Variants in ADCY10 observed in about 807,000 individuals in gnomAD.
ADCY10 encodes adenylate cyclase 10.
Under a neutral mutation model 183.3 loss-of-function variants are expected in ADCY10, and 156 were observed. The observed-to-expected ratio is 0.85, with a 90% confidence interval of 0.75 to 0.97. The LOEUF (loss-of-function observed/expected upper bound fraction) is 0.97, where lower values mean the gene tolerates loss of function less well. ADCY10 is among the 50% of genes least tolerant of loss of function. The probability of loss-of-function intolerance (pLI) is 0.00; values close to 1 mark genes in which losing one functional copy is unlikely to be tolerated. For missense variants in ADCY10, 1,745 were observed against 1,934.3 expected (o/e 0.90, Z 1.84); for synonymous variants, 645 against 670.0 (o/e 0.96, Z 0.58).
chr1:167,838,947 C>T (rs889482385), intron 21 of ADCY10, among the ~76,000 whole-genome samples: 1 of 152,174 alleles, frequency 6.6e-6, no homozygotes, highest in Admixed American at 6.5e-5. Flanking sequence ...TACCCCCTTC[C>T]CTATTCAGTC....
intron 25 of ADCY10, among the ~76,000 whole-genome samples, chr1:167,830,184 T>C (rs757731854): frequency 6.6e-6 from 1 of 152,156 alleles, no homozygotes; most frequent in Non-Finnish European, 1.5e-5. Flanking sequence ...TAGCTGCTCC[T>C]ATTCTCTTGC....
chr1:167,833,977 T>C lies in ADCY10; in HGVS notation c.3410A>G (p.Lys1137Arg), dbSNP rs746876584. The stretch of plus-strand genomic sequence containing the variant: ...TCTTTAATGGTTTCTTACCTCACCT[T>C]TGAGGCTGTAAAAGGTGGCAGACTC... ...TFESATFYSL[K>R]GEVCFNMGQI... The change falls in exon 24 of 33, where the codon AAA becomes AGA. Residue 1137 changes from lysine to arginine, a missense_variant. Physicochemically the swap from Lys to Arg is conservative, Grantham distance 26 (BLOSUM62 2). Coordinates refer to ENST00000367851, the MANE Select transcript of ADCY10 (RefSeq NM_018417.6). 14 of 1,613,760 alleles carry C rather than the reference T, an allele frequency of 8.7e-6. No individual in the cohort carries two copies. The highest frequency in any genetic ancestry group is 1.2e-5 in the Non-Finnish European group (14 of 1,179,672).
intron 13 of ADCY10, 109 bp from the exon 14 acceptor site, chr1:167,870,519 G>A (rs1018301622): frequency 1.6e-5 from 16 of 994,400 alleles, no homozygotes; most frequent in Admixed American, 1.0e-4. Context: ...TGGGCCAGGC[G>A]CTGTGGCTCA....
In ADCY10 at chr1:167,886,231, C is replaced by A. The variant is rs375333299; in HGVS notation, c.829-2603G>T. On this transcript the variant is annotated intron_variant, in intron 8 of 32. Coordinates refer to ENST00000367851, the MANE Select transcript of ADCY10 (RefSeq NM_018417.6). Reference sequence around the variant, plus strand: ...TCATATGGAACCAAAAAAGAGCCTGCATTGTCAAGATAATCCTAAGCAAAA... The same window carrying A: ...TCATATGGAACCAAAAAAGAGCCTGAATTGTCAAGATAATCCTAAGCAAAA... 9.2e-5 allele frequency among the ~76,000 whole-genome samples: 14 copies of A among 152,278 alleles called. No individual in the cohort carries two copies. In the East Asian group the frequency reaches 2.1e-3, roughly 23 times the overall value.
chr1:167,901,297 T>C (rs1303246003), intron 5 of ADCY10, among the ~76,000 whole-genome samples: 1 of 152,156 alleles, frequency 6.6e-6, no homozygotes, highest in Non-Finnish European at 1.5e-5. Context: ...AACTATGTAA[T>C]GGCAAGCTAG....
At chr1:167,906,147 A>G (rs1436553552) in intron 1 of ADCY10, among the ~76,000 whole-genome samples, 1 of 152,184 alleles carries the variant, frequency 6.6e-6, no homozygotes, top group East Asian at 1.9e-4. Context: ...TATATCCCTT[A>G]GATTTAAGGG....
chr1:167,814,517 C>T lies in ADCY10; in HGVS notation c.4482+3555G>A, dbSNP rs112044230. On this transcript the variant is annotated intron_variant, in intron 31 of 32. Transcript: ENST00000367851. ...AATAAGATCGTCAATATATATGAAG[C>T]AAAAACTGACAAAATTAAAGGTAGA... 3.3e-3 allele frequency among the ~76,000 whole-genome samples: 495 copies of T among 149,492 alleles called. 2 individuals are homozygous for T. The highest frequency in any genetic ancestry group is 0.011 in the African/African-American group (460 of 41,326).
intron 23 of ADCY10, among the ~76,000 whole-genome samples, chr1:167,835,241 A>G (rs964710907): frequency 6.6e-6 from 1 of 152,182 alleles, no homozygotes; most frequent in Non-Finnish European, 1.5e-5. Context: ...CTAAGGGCAA[A>G]TAAGTTTGAG....
intron 25 of ADCY10, among the ~76,000 whole-genome samples, chr1:167,832,667 C>T (rs1436460040): frequency 6.6e-6 from 1 of 152,144 alleles, no homozygotes; most frequent in African/African-American, 2.4e-5. Context: ...GTGCAGGTTC[C>T]ATCCAATGAG....
At chr1:167,884,594 A>T (rs1404262620) in intron 8 of ADCY10, among the ~76,000 whole-genome samples, 1 of 150,566 alleles carries the variant, frequency 6.6e-6, no homozygotes, top group Non-Finnish European at 1.5e-5. Flanking sequence ...CTTTTTTTGT[A>T]CTCATTGACC....
chr1:167,863,126 A>G (rs1666402462), intron 14 of ADCY10, among the ~76,000 whole-genome samples: 1 of 152,174 alleles, frequency 6.6e-6, no homozygotes, highest in Non-Finnish European at 1.5e-5. Context: ...ATTGTTTTAT[A>G]CTCAGAAAAG....
intron 16 of ADCY10, among the ~76,000 whole-genome samples, chr1:167,858,658 A>G (rs1055881029): frequency 6.6e-6 from 1 of 152,344 alleles, no homozygotes; most frequent in Non-Finnish European, 1.5e-5. Flanking sequence ...AAGAAGAATT[A>G]GTCATGTCTA....
rs1665740342 is a variant in ADCY10 at position 167,854,471 on chromosome 1, G to T, written c.2190C>A (p.Ser730Arg). 3 of 1,614,164 alleles carry T rather than the reference G, an allele frequency of 1.9e-6. No homozygotes were observed. The highest frequency in any genetic ancestry group is 2.5e-6 in the Non-Finnish European group (3 of 1,180,018). ...KELDSYLGEG[S>R]CGIPFYCEEL... ...CTTCACAGTAAAATGGAATCCCACAGCTTCCCTCCCCCAGGTACCTGTAGT... is the reference window on the plus strand; with the variant it reads ...CTTCACAGTAAAATGGAATCCCACATCTTCCCTCCCCCAGGTACCTGTAGT... The change falls in exon 18 of 33, where the codon AGC (serine) becomes AGA (arginine). Residue 730 changes from serine to arginine, a missense_variant. By Grantham distance (110) the Ser-to-Arg change is moderately radical. Transcript: ENST00000367851.
At chr1:167,867,416 A>C (rs1188434221) in intron 14 of ADCY10, among the ~76,000 whole-genome samples, 1 of 152,230 alleles carries the variant, frequency 6.6e-6, no homozygotes, top group Non-Finnish European at 1.5e-5. Context: ...TCAGACTGAG[A>C]ACTGTTCCCA....
chr1:167,824,375 TA>T, intron 28 of ADCY10, 100 bp downstream of exon 28: 1 of 961,516 alleles, frequency 1.0e-6, no homozygotes, highest in Admixed American at 1.7e-5. Context: ...CTGCAAACTC[TA>T]CTCCCTTCCC....
At chr1:167,894,772 G>C (rs1417508984) in intron 7 of ADCY10, among the ~76,000 whole-genome samples, 1 of 152,168 alleles carries the variant, frequency 6.6e-6, no homozygotes, top group African/African-American at 2.4e-5. Flanking sequence ...CAGATTTGTA[G>C]GTAGTTGGTC....
At position 167,899,589 on chromosome 1, in the gene ADCY10, T is replaced by C. The variant is rs1042177979; in HGVS notation, c.476A>G (p.Asp159Gly). 2 of 1,614,012 alleles carry C rather than the reference T, an allele frequency of 1.2e-6. No individual in the cohort carries two copies. The highest frequency in any genetic ancestry group is 2.7e-5 in the African/African-American group (2 of 74,918). ...AGHISMLVFG[D>G]ETHSHFLVIG... ...CACCAGAAAGTGGCTGTGTGTTTCATCTCCAAAGACCAACATGCTGATGTG... is the reference window on the plus strand; with the variant it reads ...CACCAGAAAGTGGCTGTGTGTTTCACCTCCAAAGACCAACATGCTGATGTG... The change falls in exon 6 of 33, where the codon GAT becomes GGT. Residue 159 changes from aspartate to glycine, a missense_variant. Physicochemically the swap from Asp to Gly is moderately conservative, Grantham distance 94. Coordinates refer to ENST00000367851, the MANE Select transcript of ADCY10 (RefSeq NM_018417.6).
chr1:167,859,979 T>A, intron 15 of ADCY10, 86 bp from the exon 16 acceptor site: 1 of 988,806 alleles, frequency 1.0e-6, no homozygotes, highest in Non-Finnish European at 1.6e-6. Flanking sequence ...AACACTTAAC[T>A]ATTCTGTGTC....
chr1:167,818,344 G>T, intron 30 of ADCY10, 77 bp from the exon 31 acceptor site: 1 of 1,296,432 alleles, frequency 7.7e-7, no homozygotes, highest in Non-Finnish European at 1.1e-6. Context: ...TGTCTCTCTG[G>T]ATGTGCAGCT....
Sources: gnomAD v4.1 joint callset for allele counts (sites outside exome capture counted in the v4.1 genomes callset) on GRCh38, gnomAD v4.1.1 for gene constraint, MANE v1.5 for transcripts, NCBI Gene and HGNC (gene_info 2026-07-23, HGNC 2026-07-21) for gene names.